SCMH1: variants seen among roughly 807,000 people sequenced by gnomAD.
SCMH1 encodes polycomb protein SCMH1.
In SCMH1, 37 loss-of-function variants were observed where a neutral mutation model predicts 70.8. The ratio of observed to expected loss-of-function variants is 0.52; its 90% CI spans 0.40 to 0.69. The LOEUF is 0.69. Among genes scored for constraint, SCMH1 ranks in the 30% least tolerant of loss-of-function variants. SCMH1 has a pLI of 0.00. For synonymous variants in SCMH1, 292 were observed against 307.4 expected, an observed-to-expected ratio of 0.95 and a Z score of 0.52; for missense variants, 607 against 827.3, an observed-to-expected ratio of 0.73 and a Z score of 3.27.
At chr1:41,167,604 C>T (rs1646491289) in intron 2 of SCMH1, among the ~76,000 whole-genome samples, 1 of 152,138 alleles carries the variant, frequency 6.6e-6, no homozygotes, top group Non-Finnish European at 1.5e-5. Flanking sequence ...TGGTAAGCTA[C>T]ATATTTCTAG....
intron 12 of SCMH1, chr1:41,038,219 T>A (rs1645585169): frequency 6.6e-6 from 1 of 152,264 alleles, no homozygotes; most frequent in Non-Finnish European, 1.5e-5. Context: ...CACAAAAGAA[T>A]GGCTATGAAA....
chr1:41,201,543 C>T (rs1029307625), intron 1 of SCMH1, among the ~76,000 whole-genome samples: 2 of 152,160 alleles, frequency 1.3e-5, no homozygotes, highest in African/African-American at 2.4e-5. Flanking sequence ...AATAAGGAAC[C>T]TTATCAAGTG....
At chr1:41,173,701 TG>T (rs1646935081) in intron 2 of SCMH1, among the ~76,000 whole-genome samples, 1 of 152,198 alleles carries the variant, frequency 6.6e-6, no homozygotes, top group African/African-American at 2.4e-5. Context: ...AGTCAAGATA[TG>T]GGATCAACCA....
At chr1:41,185,636 A>ATTT (rs35853628) in intron 2 of SCMH1, among the ~76,000 whole-genome samples, 40 of 139,790 alleles carry the variant, frequency 2.9e-4, no homozygotes, top group Admixed American at 7.9e-4. Flanking sequence ...ATTGTTACAG[A>ATTT]TTTTTTTTTT....
intron 5 of SCMH1, among the ~76,000 whole-genome samples, chr1:41,150,702 C>T (rs1401505234): frequency 2.6e-5 from 4 of 151,638 alleles, no homozygotes; most frequent in South Asian, 4.2e-4. Context: ...TTTGGGAGGC[C>T]GAGGCGGGCA....
At chr1:41,080,365 C>T (rs1384430380) in intron 8 of SCMH1, among the ~76,000 whole-genome samples, 6 of 151,948 alleles carry the variant, frequency 3.9e-5, no homozygotes, top group Admixed American at 3.9e-4. Flanking sequence ...GAACACTTCC[C>T]ATTTCATTTT....
At chr1:41,162,941 G>C (rs1233505581) in intron 2 of SCMH1, 1 of 152,346 alleles carries the variant, frequency 6.6e-6, no homozygotes, top group Non-Finnish European at 1.5e-5. Context: ...TGCAGGACAA[G>C]AACTCGGGAT....
intron 1 of SCMH1, among the ~76,000 whole-genome samples, chr1:41,225,763 T>C (rs1039672211): frequency 1.1e-4 from 16 of 152,318 alleles, no homozygotes; most frequent in African/African-American, 3.6e-4. Context: ...GGTTTAAGAA[T>C]AGGATCTATG....
chr1:41,062,306 A>C (rs1424896711), intron 10 of SCMH1, among the ~76,000 whole-genome samples: 1 of 152,212 alleles, frequency 6.6e-6, no homozygotes, highest in East Asian at 1.9e-4. Context: ...GAGAAATTTA[A>C]AAAATATTTG....
chr1:41,056,902 G>C (rs2148767395), intron 10 of SCMH1, among the ~76,000 whole-genome samples: 1 of 149,556 alleles, frequency 6.7e-6, no homozygotes, highest in East Asian at 2.1e-4. Context: ...GAGGGGAAAA[G>C]GAACCATTTT....
intron 6 of SCMH1, among the ~76,000 whole-genome samples, chr1:41,125,189 G>C (rs1273066637): frequency 6.6e-6 from 1 of 151,922 alleles, no homozygotes; most frequent in East Asian, 1.9e-4. Context: ...TATTAAAATA[G>C]TTGCAAAAAA....
At chr1:41,224,597 C>T (rs1195266408) in intron 1 of SCMH1, among the ~76,000 whole-genome samples, 2 of 152,138 alleles carry the variant, frequency 1.3e-5, no homozygotes, top group East Asian at 1.9e-4. Context: ...CTACTAGACA[C>T]TTTTTTATAA....
intron 2 of SCMH1, among the ~76,000 whole-genome samples, chr1:41,172,062 C>A (rs767989754): frequency 3.3e-5 from 5 of 151,802 alleles, no homozygotes; most frequent in Non-Finnish European, 5.9e-5. Context: ...GATGGAGGCA[C>A]ATGCCTGTGG....
chr1:41,192,495 G>GACACACACACACAC (rs55940657), intron 1 of SCMH1, among the ~76,000 whole-genome samples: 15,391 of 148,512 alleles, frequency 0.1, 835 homozygotes, highest in Non-Finnish European at 0.13. Flanking sequence ...TTAAATAGGA[G>GACACACACACACAC]ACACACACAC....
At chr1:41,065,961 C>T (rs918571192) in intron 10 of SCMH1, among the ~76,000 whole-genome samples, 20 of 152,320 alleles carry the variant, frequency 1.3e-4, no homozygotes, top group Admixed American at 1.2e-3. Context: ...ATCCCAGTTT[C>T]AGTCCTGGTG....
At chr1:41,080,679 C>T (rs550167407) in intron 8 of SCMH1, among the ~76,000 whole-genome samples, 20 of 152,182 alleles carry the variant, frequency 1.3e-4, no homozygotes, top group Middle Eastern at 3.4e-3. Flanking sequence ...TATATATCAT[C>T]TCAACAGATG....
At chr1:41,068,828 A>C (rs1268542306) in intron 10 of SCMH1, among the ~76,000 whole-genome samples, 1 of 152,226 alleles carries the variant, frequency 6.6e-6, no homozygotes, top group South Asian at 2.1e-4. Flanking sequence ...ATTTCATACA[A>C]AACTAAATAT....
At chr1:41,061,067 T>G (rs1652445100) in intron 10 of SCMH1, among the ~76,000 whole-genome samples, 1 of 152,244 alleles carries the variant, frequency 6.6e-6, no homozygotes, top group South Asian at 2.1e-4. Context: ...GAAAGAGATC[T>G]GATCTAATCA....
intron 2 of SCMH1, among the ~76,000 whole-genome samples, chr1:41,167,221 T>C (rs1271557746): frequency 1.3e-5 from 2 of 152,112 alleles, no homozygotes; most frequent in Non-Finnish European, 2.9e-5. Context: ...CTACGGAATA[T>C]GGTTTCTTAG....
Sources: allele counts gnomAD v4.1 joint callset (sites outside exome capture counted in the v4.1 genomes callset), GRCh38; gene constraint gnomAD v4.1.1; transcripts MANE v1.5; gene names NCBI Gene and HGNC (gene_info 2026-07-23, HGNC 2026-07-21).